The following RAMP1 variants were observed in gnomAD, a reference collection of about 807,000 sequenced individuals.
RAMP1 encodes the protein receptor activity-modifying protein 1.
A neutral mutation model predicts 8.2 loss-of-function variants in RAMP1; 7 were observed. The ratio of observed to expected loss-of-function variants is 0.85; its 90% CI spans 0.49 to 1.60. The LOEUF (loss-of-function observed/expected upper bound fraction) is 1.60, where lower values mean the gene tolerates loss of function less well. Among genes scored for constraint, RAMP1 ranks in the 40% most tolerant of loss-of-function variants. The pLI is 0.00. For missense variants in RAMP1, 192 were observed against 202.4 expected (o/e 0.95, Z 0.31); for synonymous variants, 92 against 84.7 (o/e 1.09, Z -0.47).
chr2:237,859,370 T>C (rs1358793085), upstream of RAMP1, among the ~76,000 whole-genome samples: 2 of 152,154 alleles, frequency 1.3e-5, no homozygotes, highest in African/African-American at 4.8e-5. Context: ...CTCCCTAGTT[T>C]AAAAAGTGTT....
chr2:237,889,585 T>C (rs1410969912), intron 2 of RAMP1, among the ~76,000 whole-genome samples: 2 of 152,246 alleles, frequency 1.3e-5, no homozygotes, highest in Non-Finnish European at 2.9e-5. Flanking sequence ...AGAAGGCCTC[T>C]CCTACCATGT....
At chr2:237,895,793 C>T (rs901071527) in intron 2 of RAMP1, among the ~76,000 whole-genome samples, 3 of 152,152 alleles carry the variant, frequency 2.0e-5, no homozygotes, top group Non-Finnish European at 4.4e-5. Flanking sequence ...TCCAGGCCAG[C>T]GTTGCTTCAC....
chr2:237,898,895 G>A (rs953330280), intron 2 of RAMP1, among the ~76,000 whole-genome samples: 1 of 152,216 alleles, frequency 6.6e-6, no homozygotes, highest in Non-Finnish European at 1.5e-5. Flanking sequence ...CCCTGCTTTG[G>A]AAAGGTCCCG....
rs2062146066 is a variant in RAMP1, at chr2:237,862,902, C to A, written c.52+3175C>A. On this transcript the variant is annotated intron_variant, in intron 1 of 2. Coordinates refer to ENST00000254661, the MANE Select transcript of RAMP1 (RefSeq NM_005855.4). The surrounding 1 kb of genome is among the most constrained non-coding windows in gnomAD (Gnocchi z 4.0). ...TCCAGGCTGGATCTGAGTGGGGCTG[C>A]CACAGTCTACCCTGTGAGCCATGGG... Among the ~76,000 whole-genome samples, 1 of 152,214 alleles carries A rather than the reference C, an allele frequency of 6.6e-6. No individual in the cohort carries two copies. The highest frequency in any genetic ancestry group is 2.4e-5 in the African/African-American group (1 of 41,460).
chr2:237,870,404 C>T (rs1226736950), intron 1 of RAMP1, among the ~76,000 whole-genome samples: 4 of 152,218 alleles, frequency 2.6e-5, no homozygotes, highest in South Asian at 2.1e-4. Flanking sequence ...CTGGCCCATG[C>T]GGCGCGCTGG....
Position 237,911,589 on chromosome 2 carries a change from C to T in RAMP1, c.253C>T (p.Pro85Ser), listed in dbSNP as rs2062713574. The T allele has an allele frequency of 6.2e-7, 1 of 1,614,010 alleles. No homozygotes were observed. The highest frequency in any genetic ancestry group is 1.3e-5 in the African/African-American group (1 of 74,924). The part of the protein sequence containing the change: ...HMAEKLGCFW[P>S]NAEVDRFFLA... Reference sequence around the variant, plus strand: ...GGCGGAGAAGCTGGGCTGCTTCTGGCCCAATGCAGAGGTGGACAGGTTCTT... The same window carrying T: ...GGCGGAGAAGCTGGGCTGCTTCTGGTCCAATGCAGAGGTGGACAGGTTCTT... Residue 85 changes from proline (P) to serine (S), a missense_variant, in exon 3 of 3, where the codon CCC becomes TCC. By Grantham distance (74) the Pro-to-Ser change is moderately conservative. Coordinates refer to ENST00000254661, the MANE Select transcript of RAMP1 (RefSeq NM_005855.4).
intron 2 of RAMP1, among the ~76,000 whole-genome samples, chr2:237,900,915 G>T (rs1438625400): frequency 6.6e-6 from 1 of 152,204 alleles, no homozygotes. Context: ...AGTCTCTGTA[G>T]AATAGAACCT....
At chr2:237,863,758 T>C (rs10168491) in intron 1 of RAMP1, among the ~76,000 whole-genome samples, 7,417 of 151,572 alleles carry the variant, frequency 0.049, 582 homozygotes, top group African/African-American at 0.17. Flanking sequence ...GCCCCCCGAC[T>C]CTACGTTCTC....
chr2:237,898,697 C>T (rs1004424339), intron 2 of RAMP1, among the ~76,000 whole-genome samples: 3 of 152,226 alleles, frequency 2.0e-5, no homozygotes, highest in African/African-American at 7.2e-5. Flanking sequence ...AGCCAGGCTC[C>T]CGAGCTCACA....
At chr2:237,873,983 C>T (rs1321165528) in intron 1 of RAMP1, among the ~76,000 whole-genome samples, 2 of 152,196 alleles carry the variant, frequency 1.3e-5, no homozygotes, top group Non-Finnish European at 2.9e-5. Flanking sequence ...AGGGCTCTGT[C>T]CCTAAGGAGC....
At chr2:237,898,440 TCCCTCACG>T (rs1270835628) in intron 2 of RAMP1, among the ~76,000 whole-genome samples, 1 of 152,092 alleles carries the variant, frequency 6.6e-6, no homozygotes, top group East Asian at 1.9e-4. Context: ...TATCCGTCTT[TCCCTCACG>T]CGTGCTGCCA....
chr2:237,875,150 A>T (rs1212265436), intron 1 of RAMP1, among the ~76,000 whole-genome samples: 1 of 152,122 alleles, frequency 6.6e-6, no homozygotes, highest in Non-Finnish European at 1.5e-5. Flanking sequence ...TGTCCACAGT[A>T]GGTGGGCTTT....
intron 2 of RAMP1, among the ~76,000 whole-genome samples, chr2:237,892,458 C>T (rs1030786092): frequency 6.6e-5 from 10 of 151,986 alleles, no homozygotes; most frequent in Non-Finnish European, 1.2e-4. Context: ...TGGGGTCTCA[C>T]TGTGTTGCCC....
At chr2:237,906,268 G>A (rs528378686) in intron 2 of RAMP1, among the ~76,000 whole-genome samples, 8 of 152,148 alleles carry the variant, frequency 5.3e-5, no homozygotes, top group Admixed American at 1.3e-4. Context: ...CTACAGGCAC[G>A]GCACACTCTC....
chr2:237,895,244 GTCACATGCCCAC>G (rs1159091312), intron 2 of RAMP1, among the ~76,000 whole-genome samples: 1 of 152,186 alleles, frequency 6.6e-6, no homozygotes, highest in East Asian at 1.9e-4. Context: ...GGCAGCGCGA[GTCACATGCCCAC>G]CCCCTGCTGT....
At chr2:237,898,489 C>A (rs931838521) in intron 2 of RAMP1, among the ~76,000 whole-genome samples, 2 of 152,190 alleles carry the variant, frequency 1.3e-5, no homozygotes, top group Non-Finnish European at 2.9e-5. Flanking sequence ...GCCACTCACC[C>A]GTAGGAGTTC....
intron 2 of RAMP1, among the ~76,000 whole-genome samples, chr2:237,890,504 A>G (rs2151015644): frequency 6.6e-6 from 1 of 152,314 alleles, no homozygotes; most frequent in African/African-American, 2.4e-5. Flanking sequence ...ACCGAGCCAG[A>G]AATAATTTGT....
At chr2:237,888,108 C>T (rs1233398091) in intron 2 of RAMP1, among the ~76,000 whole-genome samples, 1 of 152,044 alleles carries the variant, frequency 6.6e-6, no homozygotes, top group Non-Finnish European at 1.5e-5. Flanking sequence ...GGCTGGAGTG[C>T]AGTGGCACAA....
intron 2 of RAMP1, among the ~76,000 whole-genome samples, chr2:237,900,109 G>A (rs180898361): frequency 3.4e-4 from 52 of 152,054 alleles, no homozygotes; most frequent in Non-Finnish European, 3.8e-4. Context: ...CCTTTTTTAC[G>A]TATTAATCTC....
Sources: allele counts gnomAD v4.1 joint callset (sites outside exome capture counted in the v4.1 genomes callset), GRCh38; gene constraint gnomAD v4.1.1; non-coding constraint Gnocchi (gnomAD v3.1); transcripts MANE v1.5; gene names NCBI Gene and HGNC (gene_info 2026-07-23, HGNC 2026-07-21).